Variants in SORCS2 observed in about 807,000 individuals in gnomAD.
SORCS2 encodes the protein VPS10 domain-containing receptor SorCS2.
SORCS2 carries 100 observed loss-of-function variants against 141.6 expected under a neutral mutation model. That is an observed-to-expected ratio of 0.71 (90% confidence interval 0.60 to 0.83). SORCS2 has a LOEUF of 0.83. SORCS2 is among the 40% of genes least tolerant of loss of function. SORCS2 has a pLI of 0.00. For missense variants in SORCS2, 1,646 were observed against 1,560.2 expected (o/e 1.05, Z -0.93); for synonymous variants, 789 against 676.9 (o/e 1.17, Z -2.57).
chr4:7,584,582 C>T lies in SORCS2; in HGVS notation c.648+52953C>T, dbSNP rs181177199. On this transcript the variant is annotated intron_variant, in intron 3 of 26. Transcript: ENST00000507866. The stretch of plus-strand genomic sequence containing the variant: ...TAGGGACAAAGGTTTTTCTGAGTGA[C>T]GAGTCTCTCTACTACTCTCACTCTA... Among the ~76,000 whole-genome samples the T allele has an allele frequency of 2.1e-3, 319 of 152,248 alleles. 2 individuals are homozygous for T. Among genetic ancestry groups the T allele is most frequent in the South Asian group, 4.1e-3 (20 of 4,822 alleles).
intron 4 of SORCS2, among the ~76,000 whole-genome samples, chr4:7,653,443 A>G (rs1721561266): frequency 6.6e-6 from 1 of 152,012 alleles, no homozygotes; most frequent in Admixed American, 6.5e-5. Context: ...GGGTTTCTCC[A>G]TGTTGGTCAG....
chr4:7,725,019 G>A, intron 19 of SORCS2, 135 bp from the exon 20 acceptor site: 2 of 937,786 alleles, frequency 2.1e-6, no homozygotes, highest in Non-Finnish European at 3.2e-6. Context: ...TGGTGGTGGT[G>A]GTGGTGGTGA....
Position 7,706,055 on chromosome 4 carries a change from C to CCTGGACAGAGATGAGGCTGGGCTCTGT in SORCS2, c.1868+1775_1868+1776insACAGAGATGAGGCTGGGCTCTGTCTGG, listed in dbSNP as rs1560498497. 4.7e-4 allele frequency among the ~76,000 whole-genome samples: 33 copies of CCTGGACAGAGATGAGGCTGGGCTCTGT among 70,326 alleles called. 2 individuals are homozygous for CCTGGACAGAGATGAGGCTGGGCTCTGT. Among genetic ancestry groups the CCTGGACAGAGATGAGGCTGGGCTCTGT allele is most frequent in the East Asian group, 3.3e-3 (4 of 1,228 alleles). 46.1% of individuals were successfully genotyped at this position (70,326 alleles called of 152,430 possible). On this transcript the variant is annotated intron_variant, in intron 14 of 26. Coordinates refer to ENST00000507866, the MANE Select transcript of SORCS2 (RefSeq NM_020777.3). ...TGGGCAGGGATGAGGCTGGGCTCCG[C>CCTGGACAGAGATGAGGCTGGGCTCTGT]CTGGGCAGGGATGAGGCTGGGCTCT...
intron 1 of SORCS2, among the ~76,000 whole-genome samples, chr4:7,206,674 G>A (rs939085832): frequency 3.9e-5 from 6 of 152,198 alleles, no homozygotes; most frequent in African/African-American, 1.2e-4. Flanking sequence ...GGTCGTGGCT[G>A]TGCAGCCAGG....
chr4:7,543,112 TGAAG>T (rs1215234358), intron 3 of SORCS2, among the ~76,000 whole-genome samples: 2 of 152,208 alleles, frequency 1.3e-5, no homozygotes, highest in East Asian at 3.9e-4. Context: ...GAAACCAGGC[TGAAG>T]GACACAGGAT....
intron 5 of SORCS2, among the ~76,000 whole-genome samples, chr4:7,657,464 T>A (rs1721849112): frequency 6.7e-6 from 1 of 149,432 alleles, no homozygotes; most frequent in Non-Finnish European, 1.5e-5. Flanking sequence ...AATAAATGAG[T>A]GAATAAATGA....
chr4:7,366,629 C>A (rs562916933), intron 1 of SORCS2, among the ~76,000 whole-genome samples: 2 of 152,174 alleles, frequency 1.3e-5, no homozygotes, highest in South Asian at 2.1e-4. Flanking sequence ...CTCCAGCCTC[C>A]CATGCAGCTG....
chr4:7,376,290 A>G (rs201293500), intron 1 of SORCS2, among the ~76,000 whole-genome samples: 2 of 137,254 alleles, frequency 1.5e-5, no homozygotes, highest in Non-Finnish European at 3.2e-5. Context: ...AAAAAAAAAA[A>G]TACTGGCTGG....
intron 4 of SORCS2, among the ~76,000 whole-genome samples, chr4:7,647,513 A>C (rs921075609): frequency 1.3e-5 from 2 of 152,174 alleles, no homozygotes; most frequent in Admixed American, 1.3e-4. Flanking sequence ...CAGTTCCATG[A>C]TGCAGGGCCC....
intron 9 of SORCS2, among the ~76,000 whole-genome samples, chr4:7,680,706 G>A (rs1723474601): frequency 1.3e-5 from 2 of 152,252 alleles, no homozygotes; most frequent in Admixed American, 1.3e-4. Flanking sequence ...GCTGCTCGCA[G>A]TGTGATCCCC....
chr4:7,455,412 A>G (rs572493275), intron 2 of SORCS2, among the ~76,000 whole-genome samples: 4 of 76,478 alleles, frequency 5.2e-5, no homozygotes, highest in African/African-American at 5.5e-5. Flanking sequence ...GGGGTCAGGC[A>G]CTGTGTTGGG....
chr4:7,330,883 C>T (rs1417271663), intron 1 of SORCS2, among the ~76,000 whole-genome samples: 1 of 152,130 alleles, frequency 6.6e-6, no homozygotes, highest in Non-Finnish European at 1.5e-5. Flanking sequence ...GGACTCGCGG[C>T]CGCCATGGAC....
intron 1 of SORCS2, among the ~76,000 whole-genome samples, chr4:7,318,040 G>T (rs1373034227): frequency 3.3e-5 from 5 of 152,330 alleles, no homozygotes; most frequent in East Asian, 1.9e-4. Flanking sequence ...TGTGAAGGAC[G>T]CAGGGCAGAC....
intron 3 of SORCS2, among the ~76,000 whole-genome samples, chr4:7,551,190 G>A (rs768251418): frequency 6.6e-6 from 1 of 152,188 alleles, no homozygotes; most frequent in Non-Finnish European, 1.5e-5. Context: ...GTTTGATATT[G>A]TTGGTCAAGA....
At chr4:7,735,032 G>C (rs1712052897) in intron 25 of SORCS2, among the ~76,000 whole-genome samples, 1 of 152,230 alleles carries the variant, frequency 6.6e-6, no homozygotes, top group Non-Finnish European at 1.5e-5. Context: ...CCGACGCTGG[G>C]ACGCGTCATG....
At chr4:7,294,047 C>G (rs1453865429) in intron 1 of SORCS2, among the ~76,000 whole-genome samples, 1 of 152,160 alleles carries the variant, frequency 6.6e-6, no homozygotes, top group Non-Finnish European at 1.5e-5. Flanking sequence ...GTGGCGTGTC[C>G]TACCTTCCGG....
Position 7,371,173 on chromosome 4 carries a change from C to T in SORCS2, c.481-25115C>T, listed in dbSNP as rs551465970. Among the ~76,000 whole-genome samples, 9 of 152,324 alleles carry T rather than the reference C, an allele frequency of 5.9e-5. No individual in the cohort carries two copies. In the South Asian group the frequency reaches 1.7e-3, roughly 28 times the overall value. ...GAGGTGGAAACGTGGGTGCAGGTGT[C>T]CCCCTCAACCTGCTGCATTCCTGCG... On this transcript the variant is annotated intron_variant, in intron 1 of 26. Coordinates refer to ENST00000507866, the MANE Select transcript of SORCS2 (RefSeq NM_020777.3).
At chr4:7,453,769 T>C (rs1194228125) in intron 2 of SORCS2, among the ~76,000 whole-genome samples, 1 of 108,020 alleles carries the variant, frequency 9.3e-6, no homozygotes, top group South Asian at 3.5e-4. Context: ...TGTGTTGGGG[T>C]CAGGTGCTGT....
At position 7,536,318 on chromosome 4, in the gene SORCS2, GCA is replaced by G. The variant is rs202094591; in HGVS notation, c.648+4694_648+4695del. 4.0e-3 allele frequency among the ~76,000 whole-genome samples: 604 copies of G among 152,326 alleles called. 5 individuals are homozygous for G. Among genetic ancestry groups the G allele is most frequent in the African/African-American group, 0.014 (569 of 41,568 alleles). ...TATACGGTACCTAGAATCAAGCCCGGCACACAGTTTGATAGTGGTCTTTGCAA... is the reference window on the plus strand; with the variant it reads ...TATACGGTACCTAGAATCAAGCCCGGCACAGTTTGATAGTGGTCTTTGCAA... On this transcript the variant is annotated intron_variant, in intron 3 of 26. Coordinates refer to ENST00000507866, the MANE Select transcript of SORCS2 (RefSeq NM_020777.3).
Sources: allele counts gnomAD v4.1 joint callset (sites outside exome capture counted in the v4.1 genomes callset), GRCh38; gene constraint gnomAD v4.1.1; transcripts MANE v1.5; gene names NCBI Gene and HGNC (gene_info 2026-07-23, HGNC 2026-07-21).